The following ARHGAP24 variants were observed in gnomAD, a reference collection of about 807,000 sequenced individuals.
ARHGAP24 encodes Rho GTPase activating protein 24.
A neutral mutation model predicts 76.4 loss-of-function variants in ARHGAP24; 50 were observed. The ratio of observed to expected loss-of-function variants is 0.65; its 90% confidence interval spans 0.52 to 0.83. The LOEUF (loss-of-function observed/expected upper bound fraction) is 0.83, where lower values mean the gene tolerates loss of function less well. Ranked by LOEUF, ARHGAP24 falls within the 40% of genes least tolerant of loss-of-function variation. The probability of loss-of-function intolerance (pLI) is 0.00; values close to 1 mark genes in which losing one functional copy is unlikely to be tolerated. For missense variants in ARHGAP24, 930 were observed against 914.2 expected (o/e 1.02, Z -0.22); for synonymous variants, 345 against 323.3 (o/e 1.07, Z -0.72).
chr4:85,623,363 C>G (rs1216553128), intron 2 of ARHGAP24, among the ~76,000 whole-genome samples: 3 of 152,168 alleles, frequency 2.0e-5, no homozygotes, highest in Admixed American at 6.6e-5. Context: ...AATCCTTTCC[C>G]CATTGCTTGT....
intron 9 of ARHGAP24, among the ~76,000 whole-genome samples, chr4:85,996,465 G>A (rs1190481974): frequency 6.6e-6 from 1 of 152,194 alleles, no homozygotes; most frequent in Admixed American, 6.5e-5. Context: ...GTGTGATTTG[G>A]ACAACCCTTC....
intron 3 of ARHGAP24, among the ~76,000 whole-genome samples, chr4:85,914,995 AT>A (rs1735296702): frequency 6.6e-6 from 1 of 152,242 alleles, no homozygotes; most frequent in Admixed American, 6.5e-5. Flanking sequence ...AGAAGAGGAT[AT>A]AAATTCTAGA....
intron 3 of ARHGAP24, among the ~76,000 whole-genome samples, chr4:85,788,373 C>A (rs1184128853): frequency 6.6e-6 from 1 of 152,048 alleles, no homozygotes. Flanking sequence ...AAACTTAAAC[C>A]AATCATTTTT....
chr4:85,846,117 G>C (rs1730868021), intron 3 of ARHGAP24, among the ~76,000 whole-genome samples: 1 of 151,942 alleles, frequency 6.6e-6, no homozygotes, highest in South Asian at 2.1e-4. Flanking sequence ...TGTTGGCCAG[G>C]TGGTCTCAAA....
intron 1 of ARHGAP24, among the ~76,000 whole-genome samples, chr4:85,495,147 T>C (rs1723516497): frequency 6.6e-6 from 1 of 151,638 alleles, no homozygotes; most frequent in Non-Finnish European, 1.5e-5. Context: ...CCCTCCACTT[T>C]TACAAACCAT....
intron 5 of ARHGAP24, among the ~76,000 whole-genome samples, chr4:85,962,602 T>C (rs1161242803): frequency 1.3e-5 from 2 of 152,034 alleles, no homozygotes; most frequent in African/African-American, 4.8e-5. Context: ...TGAAAATAGG[T>C]CACCTGAATT....
chr4:85,617,911 A>C (rs1377186739), intron 2 of ARHGAP24, among the ~76,000 whole-genome samples: 2 of 152,148 alleles, frequency 1.3e-5, no homozygotes, highest in Non-Finnish European at 2.9e-5. Flanking sequence ...TGGTCTTTTG[A>C]TATTTGTATA....
chr4:85,854,664 T>G (rs150930028), intron 3 of ARHGAP24, among the ~76,000 whole-genome samples: 2 of 152,208 alleles, frequency 1.3e-5, no homozygotes, highest in Admixed American at 1.3e-4. Flanking sequence ...TTAGTGACCA[T>G]GTTTCTTACA....
intron 1 of ARHGAP24, among the ~76,000 whole-genome samples, chr4:85,557,552 G>A (rs1186818900): frequency 6.6e-6 from 1 of 152,090 alleles, no homozygotes; most frequent in African/African-American, 2.4e-5. Context: ...CACTCCAGGT[G>A]GGCAGTTTTC....
chr4:85,601,498 G>A (rs73832874), intron 2 of ARHGAP24, among the ~76,000 whole-genome samples: 8,688 of 152,146 alleles, frequency 0.057, 816 homozygotes, highest in African/African-American at 0.2. Context: ...TGTCCTGTGC[G>A]TTGTAGGGTG....
intron 5 of ARHGAP24, among the ~76,000 whole-genome samples, chr4:85,961,403 A>G (rs983500003): frequency 2.6e-5 from 4 of 152,174 alleles, no homozygotes; most frequent in Admixed American, 6.6e-5. Flanking sequence ...CTCTTACACT[A>G]TGAGTTAGAG....
chr4:85,570,712 C>T lies in ARHGAP24; in HGVS notation c.171C>T (p.Thr57=). ...QLYYFKDEDE[T]KPLGTIFLPG... ...ATTATTTCAAAGATGAAGATGAAAC[C>T]AAGCCCTTGGTGAGTAGGAGAAAAT... is the stretch of plus-strand genomic sequence containing the variant. The change falls in exon 2 of 10, where the codon ACC becomes ACT. Residue 57 remains threonine (T), a synonymous_variant. Coordinates refer to ENST00000395184, the MANE Select transcript of ARHGAP24 (RefSeq NM_001025616.3). 6.2e-7 allele frequency: 1 copy of T among 1,613,978 alleles called. No individual in the cohort carries two copies. The highest frequency in any genetic ancestry group is 1.7e-4 in the Middle Eastern group (1 of 6,060).
chr4:85,483,006 C>A (rs1244688887), intron 1 of ARHGAP24, among the ~76,000 whole-genome samples: 3 of 152,158 alleles, frequency 2.0e-5, no homozygotes, highest in Non-Finnish European at 4.4e-5. Context: ...GTTGCATTCA[C>A]CGATTTTAAC....
At chr4:85,488,467 G>A (rs1341489559) in intron 1 of ARHGAP24, among the ~76,000 whole-genome samples, 5 of 152,048 alleles carry the variant, frequency 3.3e-5, no homozygotes, top group Admixed American at 2.0e-4. Context: ...AGCATTGTAG[G>A]TCCTCTTAGA....
At chr4:85,507,985 A>G (rs1724132556) in intron 1 of ARHGAP24, among the ~76,000 whole-genome samples, 1 of 152,092 alleles carries the variant, frequency 6.6e-6, no homozygotes, top group African/African-American at 2.4e-5. Context: ...GTCTCGGCCT[A>G]TGAATAAAGT....
chr4:85,675,849 A>T (rs1157372682), intron 2 of ARHGAP24, among the ~76,000 whole-genome samples: 1 of 152,168 alleles, frequency 6.6e-6, no homozygotes, highest in Non-Finnish European at 1.5e-5. Flanking sequence ...ATCAGGCAGG[A>T]TGGTTAGAGC....
intron 3 of ARHGAP24, among the ~76,000 whole-genome samples, chr4:85,912,130 T>C (rs553251346): frequency 1.3e-5 from 2 of 152,242 alleles, no homozygotes; most frequent in Non-Finnish European, 2.9e-5. Flanking sequence ...TGATTTGAAA[T>C]ATGTTTATAT....
intron 2 of ARHGAP24, among the ~76,000 whole-genome samples, chr4:85,647,148 T>C (rs1369395104): frequency 1.3e-5 from 2 of 152,108 alleles, no homozygotes; most frequent in African/African-American, 4.8e-5. Flanking sequence ...TGCAATGTAG[T>C]TAGGCCCAAG....
intron 5 of ARHGAP24, among the ~76,000 whole-genome samples, chr4:85,949,622 T>G (rs1737485388): frequency 6.6e-6 from 1 of 152,134 alleles, no homozygotes; most frequent in Non-Finnish European, 1.5e-5. Flanking sequence ...TGAAAGACAG[T>G]AAGGGTGGAA....
Sources: allele counts gnomAD v4.1 joint callset (sites outside exome capture counted in the v4.1 genomes callset), GRCh38; gene constraint gnomAD v4.1.1; transcripts MANE v1.5; gene names NCBI Gene and HGNC (gene_info 2026-07-23, HGNC 2026-07-21).